The following PCNX2 variants were observed in gnomAD, a reference collection of about 807,000 sequenced individuals.
PCNX2 encodes the protein pecanex 2, also known as pecanex-like protein 2.
In PCNX2, 168 loss-of-function variants were observed where a neutral mutation model predicts 223.8. That is an observed-to-expected ratio of 0.75 (90% confidence interval 0.66 to 0.85). The LOEUF is 0.85. Among genes scored for constraint, PCNX2 ranks in the 40% least tolerant of loss-of-function variants. The pLI, the probability that PCNX2 is intolerant of heterozygous loss-of-function variation, is 0.00. For missense variants in PCNX2, 2,507 were observed against 2,675.5 expected, an observed-to-expected ratio of 0.94 and a Z score of 1.39; for synonymous variants, 1,006 against 1,052.6, an observed-to-expected ratio of 0.96 and a Z score of 0.86.
intron 1 of PCNX2, among the ~76,000 whole-genome samples, chr1:233,293,755 C>T (rs532562455): frequency 6.6e-6 from 1 of 152,296 alleles, no homozygotes; most frequent in Admixed American, 6.5e-5. Context: ...CTCATATTCA[C>T]CCTATAAGGG....
At chr1:233,204,696 TTC>T (rs1337035825) in intron 13 of PCNX2, among the ~76,000 whole-genome samples, 2 of 152,246 alleles carry the variant, frequency 1.3e-5, no homozygotes, top group African/African-American at 4.8e-5. Context: ...TCACAACCTT[TTC>T]CTGCTCAGTG....
intron 21 of PCNX2, among the ~76,000 whole-genome samples, chr1:233,130,114 T>A (rs1676381335): frequency 6.6e-6 from 1 of 151,940 alleles, no homozygotes; most frequent in Non-Finnish European, 1.5e-5. Context: ...GTCTGCAGCC[T>A]CACTCCTGAA....
At chr1:233,128,184 T>C (rs1173085190) in intron 21 of PCNX2, among the ~76,000 whole-genome samples, 1 of 152,214 alleles carries the variant, frequency 6.6e-6, no homozygotes, top group African/African-American at 2.4e-5. Flanking sequence ...TTATGTCCCA[T>C]GTTGAACTAA....
chr1:233,087,162 T>C, intron 23 of PCNX2: 1 of 985,290 alleles, frequency 1.0e-6, no homozygotes, highest in African/African-American at 1.7e-5. Context: ...ATTAAAATGG[T>C]TTTGTTACAC....
At chr1:233,278,866 C>T (rs949335488) in intron 1 of PCNX2, among the ~76,000 whole-genome samples, 3 of 152,268 alleles carry the variant, frequency 2.0e-5, no homozygotes, top group East Asian at 1.9e-4. Context: ...GTAGGATGCA[C>T]CCCACTCCTA....
chr1:233,058,565 T>A lies in PCNX2; in HGVS notation c.4077-1275A>T, dbSNP rs78048977. On this transcript the variant is annotated intron_variant, in intron 23 of 33. Coordinates refer to ENST00000258229, the MANE Select transcript of PCNX2 (RefSeq NM_014801.4). ...AAATATATCAGCATCACACATAGGGTTTACTTAAGGATTTGGGCATAATGA... is the reference window on the plus strand; with the variant it reads ...AAATATATCAGCATCACACATAGGGATTACTTAAGGATTTGGGCATAATGA... 3.3e-5 allele frequency: 5 copies of A among 152,214 alleles called. No homozygotes were observed. The East Asian group carries it at 9.7e-4, about 29-fold the overall frequency. 9.4% of individuals were successfully genotyped at this position (152,214 alleles called of 1,614,324 possible). A position where few individuals can be genotyped will look rare whatever the true frequency, so the allele number is the denominator to read the frequency against.
chr1:233,150,948 G>T (rs1043257647), intron 19 of PCNX2, among the ~76,000 whole-genome samples: 12 of 152,104 alleles, frequency 7.9e-5, no homozygotes, highest in Non-Finnish European at 1.5e-4. Flanking sequence ...CATGAAAAAG[G>T]TTAGATCAAC....
chr1:233,251,177 T>C (rs1284896705), intron 7 of PCNX2, among the ~76,000 whole-genome samples: 1 of 152,232 alleles, frequency 6.6e-6, no homozygotes, highest in Admixed American at 6.5e-5. Context: ...GTCAGCATGA[T>C]CTGTGCTAGG....
chr1:233,306,478 C>G, the PCNX2 span, among the ~76,000 whole-genome samples: 2 of 152,172 alleles, frequency 1.3e-5, no homozygotes, highest in African/African-American at 4.8e-5. Context: ...ATCACACAAA[C>G]AACACAAGGT....
chr1:233,048,795 A>C (rs1285906759), intron 25 of PCNX2, among the ~76,000 whole-genome samples: 1 of 152,198 alleles, frequency 6.6e-6, no homozygotes, highest in Admixed American at 6.5e-5. Flanking sequence ...GATCCAAATA[A>C]GCACAATCAA....
Position 233,295,331 on chromosome 1 carries a change from G to T in PCNX2, c.148C>A (p.His50Asn). The part of the protein sequence containing the change: ...LFLLLLPLAL[H>N]LAFPPNAIIV... ...ACCGGACCCTCCCCACTCACCAGGTGCAGGGCCAGGGGCAGCAGCAGGAGG... is the reference window on the plus strand; with the variant it reads ...ACCGGACCCTCCCCACTCACCAGGTTCAGGGCCAGGGGCAGCAGCAGGAGG... The change falls in exon 1 of 34, where the codon CAC (histidine) becomes AAC (asparagine). Residue 50 changes from histidine (H) to asparagine (N), a missense_variant. His to Asn is a moderately conservative substitution (Grantham distance 68, BLOSUM62 1). Transcript: ENST00000258229. This position sits in a 1 kb window ranked among gnomAD's most constrained non-coding sequence, Gnocchi z 4.1. 1 of 1,576,300 alleles carries T rather than the reference G, an allele frequency of 6.3e-7. No individual in the cohort carries two copies. The highest frequency in any genetic ancestry group is 8.6e-7 in the Non-Finnish European group (1 of 1,160,840).
chr1:233,153,244 C>T (rs1448099695), intron 19 of PCNX2, among the ~76,000 whole-genome samples: 1 of 152,160 alleles, frequency 6.6e-6, no homozygotes, highest in African/African-American at 2.4e-5. Context: ...TCTCATGTGC[C>T]TCTTCTCAGG....
At chr1:233,296,399 A>C (rs1284726468), upstream of PCNX2, among the ~76,000 whole-genome samples, 1 of 152,202 alleles carries the variant, frequency 6.6e-6, no homozygotes, top group Non-Finnish European at 1.5e-5. Context: ...TTAGTTTTTT[A>C]TCTCTTTCCT....
At chr1:233,132,746 T>C (rs1368581774) in intron 21 of PCNX2, among the ~76,000 whole-genome samples, 1 of 152,222 alleles carries the variant, frequency 6.6e-6, no homozygotes, top group African/African-American at 2.4e-5. Context: ...TTTTTTCAGT[T>C]ATATTGACAA....
At chr1:233,160,947 G>A (rs1678430723) in intron 18 of PCNX2, among the ~76,000 whole-genome samples, 2 of 152,066 alleles carry the variant, frequency 1.3e-5, no homozygotes, top group African/African-American at 2.4e-5. Flanking sequence ...ATTCATAGTA[G>A]AGCACTGTTA....
chr1:233,048,393 G>T (rs936520431), intron 25 of PCNX2, among the ~76,000 whole-genome samples: 1 of 152,152 alleles, frequency 6.6e-6, no homozygotes, highest in African/African-American at 2.4e-5. Context: ...GGAGGCAGAT[G>T]TTGCAGTGAG....
At chr1:233,047,080 G>A (rs751255557) in intron 25 of PCNX2, among the ~76,000 whole-genome samples, 1 of 152,156 alleles carries the variant, frequency 6.6e-6, no homozygotes, top group East Asian at 1.9e-4. Flanking sequence ...GAGATACAAG[G>A]CTCCAAGTTT....
At chr1:233,020,946 TAAACAGAATGAA>T (rs1670868324) in intron 26 of PCNX2, among the ~76,000 whole-genome samples, 1 of 152,176 alleles carries the variant, frequency 6.6e-6, no homozygotes, top group Non-Finnish European at 1.5e-5. Flanking sequence ...AAGAAAATAA[TAAACAGAATGAA>T]ATCAAACTCT....
the PCNX2 span, among the ~76,000 whole-genome samples, chr1:233,314,501 T>C: frequency 6.6e-6 from 1 of 152,130 alleles, no homozygotes; most frequent in African/African-American, 2.4e-5. Flanking sequence ...TGGAAAACAT[T>C]TAAAAATATG....
Sources: gnomAD v4.1 joint callset for allele counts (sites outside exome capture counted in the v4.1 genomes callset) on GRCh38, gnomAD v4.1.1 for gene constraint, Gnocchi (gnomAD v3.1) non-coding constraint, MANE v1.5 for transcripts, NCBI Gene and HGNC (gene_info 2026-07-23, HGNC 2026-07-21) for gene names.